Variants in DLGAP1 observed in about 807,000 individuals in gnomAD.
DLGAP1 encodes DLG associated protein 1, also known as disks large-associated protein 1.
A neutral mutation model predicts 90.8 loss-of-function variants in DLGAP1; 11 were observed. The ratio of observed to expected loss-of-function variants is 0.12; its 90% CI spans 0.08 to 0.20. DLGAP1 has a LOEUF of 0.20. Ranked by LOEUF, DLGAP1 falls within the 10% of genes least tolerant of loss-of-function variation. The pLI is 1.00. For synonymous variants in DLGAP1, 558 were observed against 540.7 expected (o/e 1.03, Z -0.44); for missense variants, 1,050 against 1,333.8 (o/e 0.79, Z 3.31).
At chr18:3,900,865 G>T (rs983277382) in intron 3 of DLGAP1, among the ~76,000 whole-genome samples, 2 of 152,246 alleles carry the variant, frequency 1.3e-5, no homozygotes, top group South Asian at 2.1e-4. Context: ...ATTTAGAAAT[G>T]GTTTAAAAGA....
intron 1 of DLGAP1, among the ~76,000 whole-genome samples, chr18:4,338,801 C>T (rs1171418336): frequency 6.6e-6 from 1 of 152,140 alleles, no homozygotes; most frequent in African/African-American, 2.4e-5. Context: ...ATGTGATCAT[C>T]TATGAATAAT....
intron 2 of DLGAP1, among the ~76,000 whole-genome samples, chr18:4,050,069 A>G (rs1333175617): frequency 1.3e-5 from 2 of 152,190 alleles, no homozygotes; most frequent in East Asian, 3.8e-4. Flanking sequence ...TTCCTCCTCT[A>G]GCAAGGGAGA....
chr18:4,369,569 C>T (rs1187200742), intron 1 of DLGAP1, among the ~76,000 whole-genome samples: 14 of 151,654 alleles, frequency 9.2e-5, no homozygotes, highest in Non-Finnish European at 1.9e-4. Context: ...ATTAAAATAC[C>T]TACTGAATAG....
At chr18:3,876,168 G>A (rs1305440745) in intron 4 of DLGAP1, among the ~76,000 whole-genome samples, 2 of 151,988 alleles carry the variant, frequency 1.3e-5, no homozygotes, top group Non-Finnish European at 2.9e-5. Context: ...AGCAGAGCTT[G>A]CACGGGGTGG....
intron 1 of DLGAP1, among the ~76,000 whole-genome samples, chr18:4,347,657 T>G (rs549062596): frequency 6.6e-6 from 1 of 152,160 alleles, no homozygotes; most frequent in Admixed American, 6.5e-5. Context: ...TGAATGTGAT[T>G]TTTAACATAT....
At position 3,915,472 on chromosome 18, in the gene DLGAP1, T is replaced by C. The variant is rs145775396; in HGVS notation, c.-72-35332A>G. On this transcript the variant is annotated intron_variant, in intron 3 of 12. Coordinates refer to ENST00000315677, the MANE Select transcript of DLGAP1 (RefSeq NM_004746.4). ...GCCCAGTTATGACTTAGCAAGGTAA[T>C]TGAGGAGATTAAAAAGGAACAAAGA... Among the ~76,000 whole-genome samples, 323 of 152,244 alleles carry C rather than the reference T, an allele frequency of 2.1e-3. 2 individuals carry two copies. Among genetic ancestry groups the C allele is most frequent in the African/African-American group, 7.5e-3 (310 of 41,558 alleles).
chr18:3,899,480 G>T (rs1226350455), intron 3 of DLGAP1, among the ~76,000 whole-genome samples: 1 of 152,228 alleles, frequency 6.6e-6, no homozygotes, highest in East Asian at 1.9e-4. Context: ...TTAAAAGGAT[G>T]TTGCTTGCAG....
chr18:4,126,940 A>G (rs1307952265), intron 2 of DLGAP1, among the ~76,000 whole-genome samples: 1 of 152,238 alleles, frequency 6.6e-6, no homozygotes, highest in Non-Finnish European at 1.5e-5. Flanking sequence ...AGGTGGCATG[A>G]CAGTATCTCC....
intron 1 of DLGAP1, among the ~76,000 whole-genome samples, chr18:4,267,189 T>C (rs1174993259): frequency 2.0e-5 from 3 of 146,490 alleles, no homozygotes; most frequent in African/African-American, 8.3e-5. Flanking sequence ...AATGAGTGTG[T>C]GTGTGTGTGT....
At chr18:3,993,701 G>A (rs2074012742) in intron 3 of DLGAP1, among the ~76,000 whole-genome samples, 3 of 152,144 alleles carry the variant, frequency 2.0e-5, no homozygotes, top group Non-Finnish European at 4.4e-5. Context: ...GGGCTTTAAT[G>A]GGACCTCCTA....
chr18:3,917,893 G>T (rs1349539559), intron 3 of DLGAP1, among the ~76,000 whole-genome samples: 1 of 152,090 alleles, frequency 6.6e-6, no homozygotes, highest in Non-Finnish European at 1.5e-5. Context: ...TTTATATATT[G>T]TGGATATGAA....
intron 1 of DLGAP1, among the ~76,000 whole-genome samples, chr18:4,165,054 G>A (rs2076909948): frequency 6.6e-6 from 1 of 152,164 alleles, no homozygotes; most frequent in Admixed American, 6.5e-5. Context: ...AGAATGGAGA[G>A]AGGGTGGGGC....
At chr18:4,288,710 A>G (rs1255064783) in intron 1 of DLGAP1, among the ~76,000 whole-genome samples, 4 of 152,092 alleles carry the variant, frequency 2.6e-5, no homozygotes, top group Non-Finnish European at 4.4e-5. Flanking sequence ...AATCATTTCA[A>G]CGTGGGGCAC....
At chr18:3,823,222 G>T (rs1029216871) in intron 4 of DLGAP1, among the ~76,000 whole-genome samples, 2 of 152,128 alleles carry the variant, frequency 1.3e-5, no homozygotes, top group South Asian at 2.1e-4. Context: ...TGGCTTCATT[G>T]CTTGGCTCAG....
intron 2 of DLGAP1, among the ~76,000 whole-genome samples, chr18:4,016,891 C>T (rs890966180): frequency 2.0e-5 from 3 of 152,156 alleles, no homozygotes; most frequent in African/African-American, 7.2e-5. Flanking sequence ...GGATAAAAGT[C>T]ATATCCAGCT....
chr18:3,519,589 T>A (rs75423789), intron 10 of DLGAP1, among the ~76,000 whole-genome samples: 3,202 of 152,228 alleles, frequency 0.021, 113 homozygotes, highest in African/African-American at 0.072. Flanking sequence ...TGAAACTGAA[T>A]CCCCAAGGCA....
intron 7 of DLGAP1, among the ~76,000 whole-genome samples, chr18:3,604,619 G>C (rs1051037197): frequency 6.6e-6 from 1 of 152,002 alleles, no homozygotes; most frequent in Non-Finnish European, 1.5e-5. Context: ...CACTCCTTTG[G>C]GTCCTTCTCT....
chr18:4,155,237 G>A (rs893641701), intron 1 of DLGAP1, among the ~76,000 whole-genome samples: 2 of 152,068 alleles, frequency 1.3e-5, no homozygotes, highest in Non-Finnish European at 2.9e-5. Context: ...GGAGTGAAGT[G>A]AGGGAGGAGA....
At chr18:3,911,109 T>C (rs1463164323) in intron 3 of DLGAP1, among the ~76,000 whole-genome samples, 1 of 152,206 alleles carries the variant, frequency 6.6e-6, no homozygotes, top group Non-Finnish European at 1.5e-5. Context: ...AGATGGTAAA[T>C]GCCTATCAGG....
Sources: allele counts gnomAD v4.1 joint callset (sites outside exome capture counted in the v4.1 genomes callset), GRCh38; gene constraint gnomAD v4.1.1; transcripts MANE v1.5; gene names NCBI Gene and HGNC (gene_info 2026-07-23, HGNC 2026-07-21).